The following SLC14A2 variants were observed in gnomAD, a reference collection of about 807,000 sequenced individuals.
SLC14A2 encodes urea transporter 2.
In SLC14A2, 91 loss-of-function variants were observed where a neutral mutation model predicts 104.6. The ratio of observed to expected loss-of-function variants is 0.87; its 90% CI spans 0.73 to 1.04. The LOEUF is 1.04. Among genes scored for constraint, SLC14A2 ranks in the 50% least tolerant of loss-of-function variants. SLC14A2 has a pLI of 0.00. For synonymous variants in SLC14A2, 476 were observed against 466.4 expected, an observed-to-expected ratio of 1.02 and a Z score of -0.27; for missense variants, 1,189 against 1,156.0, an observed-to-expected ratio of 1.03 and a Z score of -0.41.
At chr18:45,460,528 G>A (rs2087025819) in intron 1 of SLC14A2, among the ~76,000 whole-genome samples, 1 of 152,192 alleles carries the variant, frequency 6.6e-6, no homozygotes, top group African/African-American at 2.4e-5. Flanking sequence ...AATAGGGTTG[G>A]CAGGTCTGAA....
At chr18:45,410,573 A>G (rs900038467) in intron 1 of SLC14A2, among the ~76,000 whole-genome samples, 1 of 152,192 alleles carries the variant, frequency 6.6e-6, no homozygotes, top group Non-Finnish European at 1.5e-5. Flanking sequence ...ACAGCCAGCT[A>G]CAGCACTGAG....
At chr18:45,535,363 T>G (rs1018234313) in intron 2 of SLC14A2, among the ~76,000 whole-genome samples, 6 of 152,238 alleles carry the variant, frequency 3.9e-5, no homozygotes, top group Admixed American at 3.3e-4. Context: ...TCTACCTTTT[T>G]CTGTCTGGAG....
chr18:45,334,507 T>C (rs1473875275), intron 1 of SLC14A2, among the ~76,000 whole-genome samples: 1 of 152,184 alleles, frequency 6.6e-6, no homozygotes, highest in Non-Finnish European at 1.5e-5. Flanking sequence ...AGAAAGAAAG[T>C]TCTTAAGCAC....
chr18:45,486,685 GA>G (rs1447389221), intron 2 of SLC14A2, among the ~76,000 whole-genome samples: 1 of 152,104 alleles, frequency 6.6e-6, no homozygotes, highest in Non-Finnish European at 1.5e-5. Flanking sequence ...GTTAGACAAA[GA>G]AAAAGAGTAT....
At chr18:45,182,659 T>C in the SLC14A2 span, among the ~76,000 whole-genome samples, 3 of 151,978 alleles carry the variant, frequency 2.0e-5, no homozygotes, top group African/African-American at 7.2e-5. Flanking sequence ...AAACAAGTCC[T>C]TTTAAAAAAT....
intron 1 of SLC14A2, chr18:45,438,339 A>G (rs184293602): frequency 6.6e-6 from 1 of 152,324 alleles, no homozygotes; most frequent in African/African-American, 2.4e-5. Flanking sequence ...TGCAACCACA[A>G]GCTGGCCTGA....
chr18:45,630,959 CTCTTA>C (rs917275341), intron 4 of SLC14A2, among the ~76,000 whole-genome samples: 1 of 152,158 alleles, frequency 6.6e-6, no homozygotes, highest in African/African-American at 2.4e-5. Context: ...TCCTGCTCTC[CTCTTA>C]TCTAGGTCAC....
Position 45,590,903 on chromosome 18 carries a change from A to T in SLC14A2, c.-34-33728A>T, listed in dbSNP as rs180689654. On this transcript the variant is annotated intron_variant, in intron 2 of 20. Coordinates refer to the SLC14A2 transcript ENST00000586448. ...TAATGATATTATCCCCATCTTGCAG[A>T]TGACAAAATTGAGGCAAGTCGCCCA... Among the ~76,000 whole-genome samples, 7 of 152,378 alleles carry T rather than the reference A, an allele frequency of 4.6e-5. No individual in the cohort carries two copies. In the East Asian group the frequency reaches 1.3e-3, roughly 29 times the overall value.
intron 1 of SLC14A2, among the ~76,000 whole-genome samples, chr18:45,460,007 C>T (rs566691719): frequency 6.6e-6 from 1 of 152,322 alleles, no homozygotes; most frequent in East Asian, 1.9e-4. Context: ...CAGGTCCAAT[C>T]TTTTTGGTCA....
At chr18:45,181,820 C>A in the SLC14A2 span, among the ~76,000 whole-genome samples, 1 of 151,954 alleles carries the variant, frequency 6.6e-6, no homozygotes, top group African/African-American at 2.4e-5. Flanking sequence ...TATATCTGTG[C>A]GACTCTTTAT....
chr18:45,539,156 C>A (rs1169053330), intron 2 of SLC14A2, among the ~76,000 whole-genome samples: 1 of 152,066 alleles, frequency 6.6e-6, no homozygotes, highest in African/African-American at 2.4e-5. Context: ...GAGGAAAGAG[C>A]AATGGACTCT....
intron 2 of SLC14A2, among the ~76,000 whole-genome samples, chr18:45,595,698 G>C (rs1201705937): frequency 6.6e-6 from 1 of 152,146 alleles, no homozygotes; most frequent in African/African-American, 2.4e-5. Flanking sequence ...TTCCTAGGAG[G>C]GTTGCTGTGA....
chr18:45,339,516 A>T (rs903406698), intron 1 of SLC14A2, among the ~76,000 whole-genome samples: 1 of 152,186 alleles, frequency 6.6e-6, no homozygotes, highest in Non-Finnish European at 1.5e-5. Context: ...GGAACTACAC[A>T]TACTCATCAA....
chr18:45,493,729 T>C (rs1351689001), intron 2 of SLC14A2, among the ~76,000 whole-genome samples: 2 of 152,260 alleles, frequency 1.3e-5, no homozygotes, highest in East Asian at 3.8e-4. Context: ...TTTATACTAG[T>C]TTTTTAGTTA....
intron 10 of SLC14A2, among the ~76,000 whole-genome samples, chr18:45,660,975 T>A (rs970775867): frequency 3.9e-5 from 6 of 152,382 alleles, no homozygotes; most frequent in Admixed American, 2.0e-4. Flanking sequence ...CGTGAGGAGC[T>A]GCTGCCCTCC....
intron 2 of SLC14A2, among the ~76,000 whole-genome samples, chr18:45,566,515 GCACA>G (rs66828313): frequency 0.042 from 6,285 of 150,036 alleles, 433 homozygotes; most frequent in African/African-American, 0.14. Flanking sequence ...GCTCACGCTC[GCACA>G]CACACACACA....
chr18:45,352,450 AC>A (rs1568163621), intron 1 of SLC14A2, among the ~76,000 whole-genome samples: 3 of 152,036 alleles, frequency 2.0e-5, no homozygotes, highest in African/African-American at 7.2e-5. Flanking sequence ...AAAATTTGAT[AC>A]CTTTATTTAT....
chr18:45,427,331 C>A (rs1309248123), intron 1 of SLC14A2, among the ~76,000 whole-genome samples: 1 of 152,054 alleles, frequency 6.6e-6, no homozygotes, highest in Non-Finnish European at 1.5e-5. Flanking sequence ...GTGCCCAAGG[C>A]CTCCCCACCT....
chr18:45,356,067 G>T (rs2085551237), intron 1 of SLC14A2, among the ~76,000 whole-genome samples: 3 of 152,156 alleles, frequency 2.0e-5, no homozygotes, highest in Admixed American at 1.3e-4. Flanking sequence ...CTTTGATGGG[G>T]TGTGTGAGGG....
Sources: allele counts gnomAD v4.1 joint callset (sites outside exome capture counted in the v4.1 genomes callset), GRCh38; gene constraint gnomAD v4.1.1; transcripts MANE v1.5; gene names NCBI Gene and HGNC (gene_info 2026-07-23, HGNC 2026-07-21).